Variants in RYR3 observed in about 807,000 individuals in gnomAD.
The protein encoded by RYR3 is ryanodine receptor 3.
A neutral mutation model predicts 584.3 loss-of-function variants in RYR3; 207 were observed. The observed-to-expected ratio is 0.35, with a 90% CI of 0.32 to 0.40. The LOEUF is 0.40. Among genes scored for constraint, RYR3 ranks in the 10% least tolerant of loss-of-function variants. The probability of loss-of-function intolerance (pLI) is 1.00; values close to 1 mark genes in which losing one functional copy is unlikely to be tolerated. For missense variants in RYR3, 5,616 were observed against 6,089.2 expected (o/e 0.92, Z 2.59); for synonymous variants, 2,416 against 2,248.5 (o/e 1.07, Z -2.11).
intron 69 of RYR3, among the ~76,000 whole-genome samples, chr15:33,806,919 A>ATTT (rs1308413241): frequency 7.5e-6 from 1 of 133,910 alleles, no homozygotes; most frequent in Non-Finnish European, 1.6e-5. Flanking sequence ...CACCCAGCTG[A>ATTT]ATTTTTTTTT....
At chr15:33,374,103 C>T (rs2040540983) in intron 1 of RYR3, among the ~76,000 whole-genome samples, 1 of 151,804 alleles carries the variant, frequency 6.6e-6, no homozygotes, top group Admixed American at 6.6e-5. Flanking sequence ...AACAAAGCAG[C>T]TAAAAAGCAG....
intron 32 of RYR3, among the ~76,000 whole-genome samples, chr15:33,655,487 C>T (rs1000779606): frequency 3.9e-5 from 6 of 152,144 alleles, no homozygotes; most frequent in African/African-American, 1.4e-4. Context: ...CAGGAAAGAA[C>T]CTGTGATGTT....
chr15:33,328,046 A>G (rs1482367243), intron 1 of RYR3, among the ~76,000 whole-genome samples: 1 of 152,254 alleles, frequency 6.6e-6, no homozygotes, highest in African/African-American at 2.4e-5. Context: ...CCTGAAATTA[A>G]GTCCAAGACT....
chr15:33,865,914 ACAGCTGT>A lies in RYR3; in HGVS notation c.*692_*698del, dbSNP rs1890369195. The A allele has an allele frequency of 6.5e-6, 1 of 152,696 alleles. No homozygotes were observed. The highest frequency in any genetic ancestry group is 2.1e-4 in the South Asian group (1 of 4,832). 9.5% of individuals were successfully genotyped at this position (152,696 alleles called of 1,614,324 possible). ...GTTATTCATACAAGTTTTTTTAGTAACAGCTGTCAGTCAACTGCTGTTATTAGAAGAA... is the reference window on the plus strand; with the variant it reads ...GTTATTCATACAAGTTTTTTTAGTAACAGTCAACTGCTGTTATTAGAAGAA... On this transcript the variant is annotated 3_prime_UTR_variant, in exon 104 of 104. Transcript: ENST00000634891.
At chr15:33,583,046 C>G (rs1345933069) in intron 14 of RYR3, among the ~76,000 whole-genome samples, 2 of 152,148 alleles carry the variant, frequency 1.3e-5, no homozygotes, top group Non-Finnish European at 2.9e-5. Context: ...CCTCTCTCTG[C>G]AGTATCATCT....
chr15:33,628,986 C>T (rs532527998), intron 21 of RYR3, among the ~76,000 whole-genome samples: 1 of 152,282 alleles, frequency 6.6e-6, no homozygotes, highest in South Asian at 2.1e-4. Context: ...TGTAAATTGA[C>T]TGTGTTCCAT....
In RYR3 at chr15:33,721,699, G is replaced by A. The variant is rs1048602801; in HGVS notation, c.6620-1016G>A. ...TTTAGCTAACACAACATGAAAAAAA[G>A]TCTTGCTCTTGAGTCTTGGCTCAGA... On this transcript the variant is annotated intron_variant, in intron 43 of 103. Coordinates refer to ENST00000634891, the MANE Select transcript of RYR3 (RefSeq NM_001036.6). Among the ~76,000 whole-genome samples the A allele has an allele frequency of 2.6e-5, 4 of 152,104 alleles. No homozygotes were observed. The South Asian group carries it at 8.3e-4, about 32-fold the overall frequency.
chr15:33,777,999 G>A (rs72715155), intron 64 of RYR3, among the ~76,000 whole-genome samples: 31,855 of 151,700 alleles, frequency 0.21, 4,024 homozygotes, highest in Non-Finnish European at 0.28. Flanking sequence ...GTGACGCTTC[G>A]TCTCTACCAA....
intron 1 of RYR3, among the ~76,000 whole-genome samples, chr15:33,465,526 G>A (rs774151534): frequency 2.6e-5 from 4 of 152,212 alleles, no homozygotes; most frequent in African/African-American, 4.8e-5. Context: ...TTTGCTTTGC[G>A]TTTCAAGATG....
At chr15:33,535,604 A>C (rs938150301) in intron 5 of RYR3, among the ~76,000 whole-genome samples, 2 of 152,254 alleles carry the variant, frequency 1.3e-5, no homozygotes, top group Admixed American at 6.5e-5. Context: ...GAATATGATC[A>C]GAAAAGTCAA....
chr15:33,317,479 AG>A (rs1278518543), intron 1 of RYR3, among the ~76,000 whole-genome samples: 3 of 127,762 alleles, frequency 2.3e-5, no homozygotes, highest in African/African-American at 6.4e-5. Context: ...TTTGGAAGTC[AG>A]GGGGGGTGTT....
chr15:33,790,845 C>G (rs112211519), intron 67 of RYR3, among the ~76,000 whole-genome samples: 1 of 152,044 alleles, frequency 6.6e-6, no homozygotes, highest in African/African-American at 2.4e-5. Flanking sequence ...GAGAAACCAA[C>G]GAGACAGTAG....
In RYR3 at chr15:33,681,764, T is replaced by A. The variant is rs181352873; in HGVS notation, c.5860+11208T>A. Among the ~76,000 whole-genome samples the A allele has an allele frequency of 5.5e-4, 84 of 152,336 alleles. No homozygotes were observed. In the East Asian group the frequency reaches 5.8e-3, roughly 11 times the overall value. ...AATTGCTTTCTAAGTGTAACCTAAG[T>A]GTGGTGCAATTTTGTTTGCTCCCTC... On this transcript the variant is annotated intron_variant, in intron 38 of 103. Transcript: ENST00000634891.
Position 33,745,931 on chromosome 15 carries a change from G to A in RYR3, c.7900-137G>A, listed in dbSNP as rs957330191. 10 of 665,174 alleles carry A rather than the reference G, an allele frequency of 1.5e-5. No individual in the cohort carries two copies. In the East Asian group the frequency reaches 2.2e-4, roughly 14 times the overall value. 41.2% of individuals were successfully genotyped at this position (665,174 alleles called of 1,614,324 possible). ...CTGATGGCCTGAAAAGATCAATTAG[G>A]CATTTTTGAGGAGAATTTCTAAGCC... On this transcript the variant is annotated intron_variant, in intron 52 of 103. Coordinates refer to ENST00000634891, the MANE Select transcript of RYR3 (RefSeq NM_001036.6).
intron 67 of RYR3, among the ~76,000 whole-genome samples, chr15:33,797,736 C>T (rs2075704733): frequency 6.6e-6 from 1 of 152,112 alleles, no homozygotes; most frequent in Admixed American, 6.5e-5. Flanking sequence ...GTCCCTGTGG[C>T]TGTTTTGTTC....
At chr15:33,861,211 G>GCCGGGCGCGGTGGCTCACGC in intron 102 of RYR3, 33 bp downstream of exon 102, 1 of 1,496,990 alleles carries the variant, frequency 6.7e-7, no homozygotes. Flanking sequence ...AGTAATGGCA[G>GCCGGGCGCGGTGGCTCACGC]CTGTAGCGTA....
At position 33,866,057 on chromosome 15, in the gene RYR3, CAAATACAATG is replaced by C. The variant is rs1270204210; in HGVS notation, c.*834_*843del. 1.3e-5 allele frequency: 2 copies of C among 155,288 alleles called. No homozygotes were observed. Among genetic ancestry groups the C allele is most frequent in the African/African-American group, 4.8e-5 (2 of 41,450 alleles). 9.6% of individuals were successfully genotyped at this position (155,288 alleles called of 1,614,324 possible). A position where few individuals can be genotyped will look rare whatever the true frequency, so the allele number is the denominator to read the frequency against. On this transcript the variant is annotated 3_prime_UTR_variant, in exon 104 of 104. Transcript: ENST00000634891. ...GCTGCTCTGTTTAGGTGAATCTCCT[CAAATACAATG>C]AAGTGCCCACTGCAATAAAGTAATA... is the stretch of plus-strand genomic sequence containing the variant.
chr15:33,336,413 G>A (rs1323267637), intron 1 of RYR3, among the ~76,000 whole-genome samples: 2 of 61,146 alleles, frequency 3.3e-5, no homozygotes, highest in Non-Finnish European at 5.6e-5. Context: ...GCGACAGAGC[G>A]AGACGAAAGA....
At chr15:33,595,085 C>T (rs1472009463) in intron 16 of RYR3, among the ~76,000 whole-genome samples, 2 of 152,000 alleles carry the variant, frequency 1.3e-5, no homozygotes, top group African/African-American at 4.8e-5. Flanking sequence ...TAGAAAAAGA[C>T]ATAATTTATA....
Sources: allele counts gnomAD v4.1 joint callset (sites outside exome capture counted in the v4.1 genomes callset), GRCh38; gene constraint gnomAD v4.1.1; transcripts MANE v1.5; gene names NCBI Gene and HGNC (gene_info 2026-07-23, HGNC 2026-07-21).